MROH1: variants seen among roughly 807,000 people sequenced by gnomAD.
MROH1 encodes the protein maestro heat-like repeat-containing protein family member 1.
Under a neutral mutation model 116.5 loss-of-function variants are expected in MROH1, and 117 were observed. The observed-to-expected ratio is 1.00, with a 90% CI of 0.86 to 1.17. The LOEUF (loss-of-function observed/expected upper bound fraction) is 1.17. Ranked by LOEUF, MROH1 falls within the 50% of genes most tolerant of loss-of-function variation. The pLI, the probability that MROH1 is intolerant of heterozygous loss-of-function variation, is 0.00. For missense variants in MROH1, 1,873 were observed against 1,338.5 expected, an observed-to-expected ratio of 1.40 and a Z score of -6.23; for synonymous variants, 921 against 583.9, an observed-to-expected ratio of 1.58 and a Z score of -8.32.
intron 31 of MROH1, among the ~76,000 whole-genome samples, chr8:144,248,214 C>T (rs986285271): frequency 6.6e-5 from 10 of 152,188 alleles, no homozygotes; most frequent in Non-Finnish European, 1.3e-4. Flanking sequence ...CTGGGCACCG[C>T]GTCCCCTCCC....
Position 144,255,614 on chromosome 8 carries a change from A to G in MROH1, c.3700A>G (p.Thr1234Ala). 1.3e-6 allele frequency: 1 copy of G among 777,952 alleles called. No individual in the cohort carries two copies. The highest frequency in any genetic ancestry group is 1.7e-5 in the Admixed American group (1 of 58,868). The allele number at this position is 777,952 out of a possible 1,614,324, so 48.2% of individuals were successfully genotyped here. Reference protein sequence around the residue: ...FVVLLLRVSCTVGVQLPRNLQ... With the variant: ...FVVLLLRVSCAVGVQLPRNLQ... ...GGTGCTTCTGCTGCGCGTCAGCTGC[A>G]CCGTGGGTGTCCAGCTGCCCCGGAA... is the stretch of plus-strand genomic sequence containing the variant. Residue 1234 changes from threonine (T) to alanine (A), a missense_variant, in exon 35 of 44, where the codon ACC becomes GCC. Coordinates refer to ENST00000326134, the MANE Select transcript of MROH1 (RefSeq NM_032450.3).
In MROH1 at chr8:144,234,483, TTTTC is replaced by T. The variant is rs201163923; in HGVS notation, c.1339-4265_1339-4262del. Among the ~76,000 whole-genome samples, 1,005 of 145,732 alleles carry T rather than the reference TTTTC, an allele frequency of 6.9e-3. 13 individuals are homozygous for T. Among genetic ancestry groups the T allele is most frequent in the African/African-American group, 0.024 (953 of 39,380 alleles). On this transcript the variant is annotated intron_variant, in intron 14 of 43. Transcript: ENST00000326134. ...TTTGATGCTATTGTAAATGGAATTA[TTTTC>T]TTTCTTTTTCGTTTTTTTTTTTTTT... is the stretch of plus-strand genomic sequence containing the variant.
chr8:144,254,993 CG>C lies in MROH1; in HGVS notation c.3594+19del. On this transcript the variant is annotated intron_variant, in intron 34 of 43. Coordinates refer to ENST00000326134, the MANE Select transcript of MROH1 (RefSeq NM_032450.3). The stretch of plus-strand genomic sequence containing the variant: ...TGCCTCTCTCGGTGAGTCGGGCTCT[CG>C]GGGCCACCTTGACACGCTGTCCCTG... 1.3e-6 allele frequency: 1 copy of C among 743,436 alleles called. No homozygotes were observed. The allele number at this position is 743,436 out of a possible 1,614,324, so 46.1% of individuals were successfully genotyped here.
Position 144,243,628 on chromosome 8 carries a change from C to A in MROH1, c.2475+12C>A. The A allele has an allele frequency of 1.3e-6, 1 of 778,078 alleles. No homozygotes were observed. The highest frequency in any genetic ancestry group is 2.4e-6 in the Non-Finnish European group (1 of 417,644). The allele number at this position is 778,078 out of a possible 1,614,324, so 48.2% of individuals were successfully genotyped here. A position where few individuals can be genotyped will look rare whatever the true frequency, so the allele number is the denominator to read the frequency against. ...TGGCACAGATGATGGTGAGCGTGGC[C>A]GTGGCCTGGCAGGTCCTCAGGCAGG... On this transcript the variant is annotated intron_variant, in intron 25 of 43. Transcript: ENST00000326134.
intron 4 of MROH1, among the ~76,000 whole-genome samples, chr8:144,171,866 T>G (rs1332581578): frequency 6.6e-6 from 1 of 152,148 alleles, no homozygotes; most frequent in Non-Finnish European, 1.5e-5. Flanking sequence ...CACCCTCTTG[T>G]CCAAGGAGAC....
intron 35 of MROH1, among the ~76,000 whole-genome samples, chr8:144,256,992 T>TGGCTCAGACCATGAGGCCCA (rs1843975717): frequency 6.6e-6 from 1 of 151,544 alleles, no homozygotes; most frequent in Non-Finnish European, 1.5e-5. Context: ...CATGAGGCCC[T>TGGCTCAGACCATGAGGCCCA]GGCTCAGACC....
At chr8:144,211,406 T>C (rs1834062946) in intron 12 of MROH1, among the ~76,000 whole-genome samples, 1 of 152,190 alleles carries the variant, frequency 6.6e-6, no homozygotes, top group African/African-American at 2.4e-5. Flanking sequence ...TACCATTTGC[T>C]TACCCAGGGG....
At position 144,200,551 on chromosome 8, in the gene MROH1, T is replaced by A; in HGVS notation, c.1141+10T>A. On this transcript the variant is annotated intron_variant, in intron 12 of 43. Coordinates refer to ENST00000326134, the MANE Select transcript of MROH1 (RefSeq NM_032450.3). ...GTCATCAACTCAGCTGGTGAGTGCC[T>A]CCATGCTAGCCTGGCCGCCACCCCT... 1 of 1,542,572 alleles carries A rather than the reference T, an allele frequency of 6.5e-7. No individual in the cohort carries two copies. Among genetic ancestry groups the A allele is most frequent in the South Asian group, 1.2e-5 (1 of 83,882 alleles).
chr8:144,183,051 G>T (rs756217115), intron 7 of MROH1, among the ~76,000 whole-genome samples: 1 of 152,042 alleles, frequency 6.6e-6, no homozygotes, highest in Non-Finnish European at 1.5e-5. Flanking sequence ...ACTCCAGCCC[G>T]GGTGACAGAG....
intron 3 of MROH1, among the ~76,000 whole-genome samples, chr8:144,164,061 G>A (rs1317114882): frequency 6.6e-6 from 1 of 151,862 alleles, no homozygotes; most frequent in East Asian, 1.9e-4. Flanking sequence ...AAAGCACATG[G>A]CATCCAGGAT....
At chr8:144,167,853 G>GA (rs1199177865) in intron 3 of MROH1, among the ~76,000 whole-genome samples, 2 of 152,180 alleles carry the variant, frequency 1.3e-5, no homozygotes, top group African/African-American at 4.8e-5. Context: ...GGGCCATGGG[G>GA]AACCCCAGGC....
Position 144,241,081 on chromosome 8 carries a change from G to T in MROH1, c.2025G>T (p.Thr675=). 1 of 773,980 alleles carries T rather than the reference G, an allele frequency of 1.3e-6. No individual in the cohort carries two copies. The highest frequency in any genetic ancestry group is 2.4e-6 in the Non-Finnish European group (1 of 415,160). The allele number at this position is 773,980 out of a possible 1,614,324, so 47.9% of individuals were successfully genotyped here. ...AGCACCTTCAAGAGCTGCTGGAGAC[G>T]GCCAGATACCAGGAGGAGGCAGAAC... ...VRKHLQELLE[T]ARYQEEAERE... Residue 675 remains threonine (T), a synonymous_variant, in exon 21 of 44, where the codon ACG becomes ACT. Transcript: ENST00000326134.
At chr8:144,158,833 C>T (rs1170336274) in intron 1 of MROH1, among the ~76,000 whole-genome samples, 2 of 151,992 alleles carry the variant, frequency 1.3e-5, no homozygotes, top group Non-Finnish European at 1.5e-5. Flanking sequence ...CAGCATTGAC[C>T]TCCTGGGCTC....
rs1845104149 is a variant in MROH1, at chr8:144,261,647, A to C, written c.4841-8A>C. On this transcript the variant is annotated splice_polypyrimidine_tract_variant and splice_region_variant and intron_variant, in intron 43 of 43. Coordinates refer to ENST00000326134, the MANE Select transcript of MROH1 (RefSeq NM_032450.3). ...AGCCCGCAGGCAGCCCCCCTCCTCT[A>C]CCCCCAGCGCTCCAGATCCTGCTGA... The C allele has an allele frequency of 5.6e-6, 4 of 712,618 alleles. No individual in the cohort carries two copies. The highest frequency in any genetic ancestry group is 5.1e-6 in the Non-Finnish European group (2 of 391,622). The allele number at this position is 712,618 out of a possible 1,614,324, so 44.1% of individuals were successfully genotyped here.
intron 33 of MROH1, chr8:144,254,533 A>C: frequency 5.4e-6 from 2 of 371,134 alleles, no homozygotes; most frequent in Non-Finnish European, 4.9e-6. Flanking sequence ...CCCTCCCAGT[A>C]GCTCCCCAGG....
chr8:144,234,498 GTTTTTTTTTTTTTTTTTTTT>G (rs1165164431), intron 14 of MROH1, among the ~76,000 whole-genome samples: 18 of 18,102 alleles, frequency 9.9e-4, no homozygotes, highest in African/African-American at 1.5e-3. Context: ...TTTCTTTTTC[GTTTTTTTTTTTTTTTTTTTT>G]TTTTTTTTTT....
chr8:144,236,413 G>C (rs982893531), intron 14 of MROH1, among the ~76,000 whole-genome samples: 1 of 152,046 alleles, frequency 6.6e-6, no homozygotes, highest in Non-Finnish European at 1.5e-5. Flanking sequence ...GAGATCTTTG[G>C]GATTAAGTAA....
intron 1 of MROH1, among the ~76,000 whole-genome samples, chr8:144,153,393 C>G (rs1464511680): frequency 2.6e-5 from 4 of 152,026 alleles, no homozygotes; most frequent in African/African-American, 9.7e-5. Context: ...GATGGCGTTT[C>G]ACCATGTTGG....
intron 12 of MROH1, among the ~76,000 whole-genome samples, chr8:144,219,463 C>A (rs1035237239): frequency 6.6e-6 from 1 of 152,182 alleles, no homozygotes; most frequent in African/African-American, 2.4e-5. Context: ...TAACCCCTTA[C>A]ATCTTTTCTT....
Sources: gnomAD v4.1 joint callset for allele counts (sites outside exome capture counted in the v4.1 genomes callset) on GRCh38, gnomAD v4.1.1 for gene constraint, MANE v1.5 for transcripts, NCBI Gene and HGNC (gene_info 2026-07-23, HGNC 2026-07-21) for gene names.